IGF2BP2: variants seen among roughly 807,000 people sequenced by gnomAD.
The protein encoded by IGF2BP2 is insulin like growth factor 2 mRNA binding protein 2.
IGF2BP2 carries 17 observed loss-of-function variants against 75.8 expected under a neutral mutation model. That is an observed-to-expected ratio of 0.22 (90% CI 0.15 to 0.34). The LOEUF (loss-of-function observed/expected upper bound fraction) is 0.34. Among genes scored for constraint, IGF2BP2 ranks in the 10% least tolerant of loss-of-function variants. The pLI is 1.00. For missense variants in IGF2BP2, 516 were observed against 772.4 expected (o/e 0.67, Z 3.93); for synonymous variants, 288 against 295.6 (o/e 0.97, Z 0.26).
chr3:185,778,500 G>A (rs1734808399), intron 2 of IGF2BP2, among the ~76,000 whole-genome samples: 1 of 152,128 alleles, frequency 6.6e-6, no homozygotes, highest in South Asian at 2.1e-4. Context: ...TCCCTCTCAG[G>A]ATTAACTGAT....
At chr3:185,802,254 G>C (rs1403931368) in intron 2 of IGF2BP2, among the ~76,000 whole-genome samples, 1 of 151,028 alleles carries the variant, frequency 6.6e-6, no homozygotes, top group African/African-American at 2.5e-5. Flanking sequence ...CTGATCACTA[G>C]TCCTTTGCTA....
intron 2 of IGF2BP2, among the ~76,000 whole-genome samples, chr3:185,712,289 T>C (rs1255080470): frequency 2.0e-5 from 3 of 152,206 alleles, no homozygotes; most frequent in Non-Finnish European, 4.4e-5. Context: ...TAAATACTTA[T>C]GAAAATGCAA....
At chr3:185,751,871 G>A (rs1043675396) in intron 2 of IGF2BP2, among the ~76,000 whole-genome samples, 59 of 151,986 alleles carry the variant, frequency 3.9e-4, no homozygotes, top group African/African-American at 1.4e-3. Flanking sequence ...GCTGAGGCAG[G>A]AGAATGGCAG....
In IGF2BP2 at chr3:185,677,044, G is replaced by T. The variant is rs1403748968; in HGVS notation, c.813-1131C>A. 1.7e-3 allele frequency among the ~76,000 whole-genome samples: 40 copies of T among 23,868 alleles called. 2 individuals carry two copies. Among genetic ancestry groups the T allele is most frequent in the African/African-American group, 4.8e-3 (22 of 4,606 alleles). The allele number at this position is 23,868 out of a possible 152,430, so 15.7% of individuals were successfully genotyped here. On this transcript the variant is annotated intron_variant, in intron 7 of 15. Transcript: ENST00000382199. ...GGAGAGAGATATATATATATATGGA[G>T]ATATATATATATATATATATATATA...
rs528436356 is a variant in IGF2BP2 at position 185,823,274 on chromosome 3, G to A, written c.179-61C>T. ...TTAGATCAAGCCCGCGGGGGTCTAG[G>A]GGGGGCACGCACGGAACTCCACGCT... On this transcript the variant is annotated intron_variant, in intron 1 of 15. Transcript: ENST00000382199. 16 of 1,338,526 alleles carry A rather than the reference G, an allele frequency of 1.2e-5. No homozygotes were observed. The East Asian group carries it at 1.7e-4, about 14-fold the overall frequency. 82.9% of individuals were successfully genotyped at this position (1,338,526 alleles called of 1,614,324 possible). A position where few individuals can be genotyped will look rare whatever the true frequency, so the allele number is the denominator to read the frequency against.
At chr3:185,788,457 G>T (rs1344819320) in intron 2 of IGF2BP2, among the ~76,000 whole-genome samples, 1 of 152,118 alleles carries the variant, frequency 6.6e-6, no homozygotes, top group East Asian at 1.9e-4. Flanking sequence ...GCTGCAGAGA[G>T]CTATGATTGC....
Position 185,665,272 on chromosome 3 carries a change from GAGA to G in IGF2BP2, c.1201-6866_1201-6864del, listed in dbSNP as rs1168820076. Among the ~76,000 whole-genome samples the G allele has an allele frequency of 1.9e-3, 260 of 134,874 alleles. 4 individuals carry two copies. Among genetic ancestry groups the G allele is most frequent in the African/African-American group, 6.5e-3 (232 of 35,608 alleles). 88.5% of individuals were successfully genotyped at this position (134,874 alleles called of 152,430 possible). On this transcript the variant is annotated intron_variant, in intron 10 of 15. Coordinates refer to ENST00000382199, the MANE Select transcript of IGF2BP2 (RefSeq NM_006548.6). ...GAAGGAGAAGGAGGAGGAGGAGGAG[GAGA>G]AGGAGAAGAAGAAGAAGGAGGAGAA...
At chr3:185,770,355 G>A (rs1464982864) in intron 2 of IGF2BP2, among the ~76,000 whole-genome samples, 1 of 152,204 alleles carries the variant, frequency 6.6e-6, no homozygotes, top group Non-Finnish European at 1.5e-5. Context: ...AAAATGGGAT[G>A]TGATAGGAAA....
At chr3:185,719,331 A>G (rs2149457944) in intron 2 of IGF2BP2, among the ~76,000 whole-genome samples, 1 of 152,356 alleles carries the variant, frequency 6.6e-6, no homozygotes, top group Admixed American at 6.5e-5. Flanking sequence ...AGTAGTATGA[A>G]AGACAAAACA....
chr3:185,720,960 GAAAGACAGA>G (rs1265335038), intron 2 of IGF2BP2, among the ~76,000 whole-genome samples: 3 of 152,124 alleles, frequency 2.0e-5, no homozygotes, highest in African/African-American at 7.2e-5. Flanking sequence ...GTGGTCAAAG[GAAAGACAGA>G]AAAGACATCT....
At chr3:185,821,104 C>T (rs1026485307) in intron 2 of IGF2BP2, 5 of 1,527,658 alleles carry the variant, frequency 3.3e-6, no homozygotes, top group East Asian at 2.5e-5. Context: ...TACACAATAC[C>T]GGTCATTAGC....
chr3:185,663,983 G>T (rs983452691), intron 10 of IGF2BP2, among the ~76,000 whole-genome samples: 1 of 152,214 alleles, frequency 6.6e-6, no homozygotes, highest in Non-Finnish European at 1.5e-5. Context: ...AGACTGCAAA[G>T]CTGGCAGGTG....
At chr3:185,651,434 C>T (rs1010315266) in intron 13 of IGF2BP2, among the ~76,000 whole-genome samples, 7 of 152,090 alleles carry the variant, frequency 4.6e-5, no homozygotes, top group Admixed American at 1.3e-4. Flanking sequence ...TCTCAAACTC[C>T]TGGGCTCAAG....
intron 7 of IGF2BP2, among the ~76,000 whole-genome samples, chr3:185,678,644 T>C (rs1374442807): frequency 6.6e-6 from 1 of 152,226 alleles, no homozygotes; most frequent in Non-Finnish European, 1.5e-5. Context: ...TGTATGTCTG[T>C]TGGTCTATAG....
intron 4 of IGF2BP2, among the ~76,000 whole-genome samples, chr3:185,694,862 G>A (rs1238772799): frequency 2.0e-5 from 3 of 152,194 alleles, no homozygotes; most frequent in Non-Finnish European, 4.4e-5. Context: ...CAAGGTGGGT[G>A]GATCACTTGA....
intron 2 of IGF2BP2, among the ~76,000 whole-genome samples, chr3:185,801,335 C>CA: frequency 6.6e-6 from 1 of 151,786 alleles, no homozygotes; most frequent in Non-Finnish European, 1.5e-5. Context: ...ACTAAAAATA[C>CA]AAAATTAGCC....
intron 2 of IGF2BP2, among the ~76,000 whole-genome samples, chr3:185,765,561 AC>A (rs944697693): frequency 6.6e-6 from 1 of 151,866 alleles, no homozygotes; most frequent in African/African-American, 2.4e-5. Flanking sequence ...CCTACATCAC[AC>A]TCTACACTCC....
chr3:185,814,691 T>C (rs1254134561), intron 2 of IGF2BP2, among the ~76,000 whole-genome samples: 1 of 152,218 alleles, frequency 6.6e-6, no homozygotes, highest in Non-Finnish European at 1.5e-5. Context: ...ATGGCGTCTA[T>C]CTAGAAGAAA....
At chr3:185,652,868 G>A (rs1327641711) in intron 12 of IGF2BP2, among the ~76,000 whole-genome samples, 2 of 152,150 alleles carry the variant, frequency 1.3e-5, no homozygotes, top group Non-Finnish European at 2.9e-5. Context: ...CTGGAGTGCA[G>A]TGGCGCGATC....
Sources: allele counts gnomAD v4.1 joint callset (sites outside exome capture counted in the v4.1 genomes callset), GRCh38; gene constraint gnomAD v4.1.1; transcripts MANE v1.5; gene names NCBI Gene and HGNC (gene_info 2026-07-23, HGNC 2026-07-21).